The following CELF2 variants were observed in gnomAD, a reference collection of about 807,000 sequenced individuals.
CELF2 encodes the protein CUG triplet repeat RNA-binding protein 2.
In CELF2, 8 loss-of-function variants were observed where a neutral mutation model predicts 62.6. That is an observed-to-expected ratio of 0.13 (90% CI 0.07 to 0.23). CELF2 has a LOEUF of 0.23. Among genes scored for constraint, CELF2 ranks in the 10% least tolerant of loss-of-function variants. The probability of loss-of-function intolerance (pLI) is 1.00; values close to 1 mark genes in which losing one functional copy is unlikely to be tolerated. For missense variants in CELF2, 333 were observed against 671.0 expected, an observed-to-expected ratio of 0.50 and a Z score of 5.56; for synonymous variants, 258 against 250.0, an observed-to-expected ratio of 1.03 and a Z score of -0.30.
chr10:11,269,679 G>A lies in CELF2; in HGVS notation c.619-987G>A, dbSNP rs542463931. 8.9e-5 allele frequency among the ~76,000 whole-genome samples: 13 copies of A among 146,706 alleles called. No individual in the cohort carries two copies. The highest frequency in any genetic ancestry group is 6.9e-4 in the Admixed American group (10 of 14,554). On this transcript the variant is annotated intron_variant, in intron 6 of 12. Transcript: ENST00000633077. This position sits in a 1 kb window ranked among gnomAD's most constrained non-coding sequence, Gnocchi z 4.4. ...GGAGAAGAGGCTGGGGAAGGAGGGG[G>A]AGACTTCTGCTGAGTTACTTACCAA...
rs71378788 is a variant in CELF2 at position 11,285,826 on chromosome 10, GGTGTGTGTGTGTGTGT to G, written c.842-2555_842-2540del. Among the ~76,000 whole-genome samples, 1,452 of 128,780 alleles carry G rather than the reference GGTGTGTGTGTGTGTGT, an allele frequency of 0.011. 25 individuals carry two copies. The highest frequency in any genetic ancestry group is 0.035 in the African/African-American group (1,186 of 34,024). 84.5% of individuals were successfully genotyped at this position (128,780 alleles called of 152,430 possible). A position where few individuals can be genotyped will look rare whatever the true frequency, so the allele number is the denominator to read the frequency against. ...TTGCTCATCACCTACTATATATATTGGTGTGTGTGTGTGTGTGTGTGTGTGTGTGTGTGTGTGTGTG... is the reference window on the plus strand; with the variant it reads ...TTGCTCATCACCTACTATATATATTGGTGTGTGTGTGTGTGTGTGTGTGTG... On this transcript the variant is annotated intron_variant, in intron 8 of 12. Transcript: ENST00000633077. The surrounding 1 kb of genome is among the most constrained non-coding windows in gnomAD (Gnocchi z 4.3).
chr10:10,468,972 C>T, the CELF2 span, among the ~76,000 whole-genome samples: 237 of 151,814 alleles, frequency 1.6e-3, no homozygotes, highest in South Asian at 6.7e-3. Context: ...CCTCTTCAGA[C>T]GTTTTATAAA....
At chr10:11,043,486 C>T (rs1378157792) in intron 1 of CELF2, among the ~76,000 whole-genome samples, 1 of 152,200 alleles carries the variant, frequency 6.6e-6, no homozygotes, top group Non-Finnish European at 1.5e-5. Flanking sequence ...TTGCCCTGAA[C>T]ACCAGCATTG....
At chr10:11,137,753 C>G (rs555342985) in intron 1 of CELF2, among the ~76,000 whole-genome samples, 1 of 152,366 alleles carries the variant, frequency 6.6e-6, no homozygotes, top group South Asian at 2.1e-4. Context: ...GAGTAACTTA[C>G]TGTCCTTTTT....
At chr10:10,768,097 C>A in the CELF2 span, among the ~76,000 whole-genome samples, 2 of 146,080 alleles carry the variant, frequency 1.4e-5, no homozygotes, top group African/African-American at 2.6e-5. Flanking sequence ...ACCCGGGAGG[C>A]GGAGCTTGCC....
In CELF2 at chr10:11,157,791, G is replaced by C. The variant is rs1230644373; in HGVS notation, c.75-7695G>C. Reference sequence around the variant, plus strand: ...CTTTCACCACCCAGGCTTCTGAAGTGTGTAGAGAGGGTTGTGAATCCGCAC... The same window carrying C: ...CTTTCACCACCCAGGCTTCTGAAGTCTGTAGAGAGGGTTGTGAATCCGCAC... On this transcript the variant is annotated intron_variant, in intron 1 of 12. Coordinates refer to ENST00000633077, the MANE Select transcript of CELF2 (RefSeq NM_001326342.2). This position sits in a 1 kb window ranked among gnomAD's most constrained non-coding sequence, Gnocchi z 4.9. Among the ~76,000 whole-genome samples the C allele has an allele frequency of 6.6e-6, 1 of 152,246 alleles. No individual in the cohort carries two copies. The highest frequency in any genetic ancestry group is 1.5e-5 in the Non-Finnish European group (1 of 68,046).
the CELF2 span, among the ~76,000 whole-genome samples, chr10:10,652,614 G>T: frequency 6.6e-5 from 10 of 150,882 alleles, no homozygotes; most frequent in Non-Finnish European, 1.5e-5. Context: ...TTCATATCCA[G>T]CCAAACTAAG....
chr10:10,671,394 T>C, the CELF2 span, among the ~76,000 whole-genome samples: 1 of 152,172 alleles, frequency 6.6e-6, no homozygotes, highest in Non-Finnish European at 1.5e-5. Context: ...ACTATAAACA[T>C]TTGTGTGCAA....
chr10:11,076,545 A>G (rs2072001993), intron 1 of CELF2, among the ~76,000 whole-genome samples: 4 of 152,234 alleles, frequency 2.6e-5, no homozygotes. Context: ...AGAATGCTTT[A>G]CAGCTCAGAA....
the CELF2 span, among the ~76,000 whole-genome samples, chr10:10,763,085 C>G: frequency 6.6e-6 from 1 of 152,176 alleles, no homozygotes; most frequent in Admixed American, 6.5e-5. Context: ...CCTCTTCGAG[C>G]TTCAATTTGC....
intron 1 of CELF2, among the ~76,000 whole-genome samples, chr10:10,915,182 C>G (rs2064212452): frequency 6.7e-6 from 1 of 149,716 alleles, no homozygotes; most frequent in African/African-American, 2.5e-5. Flanking sequence ...CACTTGAAAT[C>G]AGATTATCTT....
At chr10:10,719,422 C>A in the CELF2 span, among the ~76,000 whole-genome samples, 1 of 151,832 alleles carries the variant, frequency 6.6e-6, no homozygotes, top group African/African-American at 2.4e-5. Flanking sequence ...CTAGGCCTGG[C>A]TAATTTTTTT....
At position 11,005,655 on chromosome 10, in the gene CELF2, A is replaced by G. The variant is rs2055122356; in HGVS notation, c.53+215A>G. 6.6e-6 allele frequency among the ~76,000 whole-genome samples: 1 copy of G among 152,124 alleles called. No individual in the cohort carries two copies. The highest frequency in any genetic ancestry group is 1.5e-5 in the Non-Finnish European group (1 of 68,020). The stretch of plus-strand genomic sequence containing the variant: ...AAGGCGGAGGACTGCCGTGAATTCT[A>G]TTTGTACTAGTTGCCTTTTGAAAGC... On this transcript the variant is annotated intron_variant, in intron 1 of 12. Transcript: ENST00000416382. The surrounding 1 kb of genome is among the most constrained non-coding windows in gnomAD (Gnocchi z 4.3).
chr10:10,861,852 A>G (rs919810523), intron 1 of CELF2, among the ~76,000 whole-genome samples: 6 of 152,208 alleles, frequency 3.9e-5, no homozygotes, highest in Non-Finnish European at 8.8e-5. Context: ...TCAAAGTTAG[A>G]CAAAGGCCCT....
the CELF2 span, among the ~76,000 whole-genome samples, chr10:10,608,760 A>G: frequency 6.6e-6 from 1 of 152,160 alleles, no homozygotes; most frequent in Non-Finnish European, 1.5e-5. Flanking sequence ...GTCTAAGGAA[A>G]GCTTCTACTC....
At chr10:10,517,317 C>T in the CELF2 span, among the ~76,000 whole-genome samples, 1 of 152,034 alleles carries the variant, frequency 6.6e-6, no homozygotes, top group Non-Finnish European at 1.5e-5. Flanking sequence ...CAAACCCAGG[C>T]AGTCTGATCC....
the CELF2 span, among the ~76,000 whole-genome samples, chr10:10,465,395 G>A: frequency 6.6e-6 from 1 of 152,082 alleles, no homozygotes; most frequent in East Asian, 1.9e-4. Context: ...AGGCTATTGG[G>A]ATCAAGAAAA....
At chr10:10,576,427 C>T in the CELF2 span, among the ~76,000 whole-genome samples, 31 of 152,068 alleles carry the variant, frequency 2.0e-4, no homozygotes, top group South Asian at 6.2e-3. Flanking sequence ...AGAAATCAAC[C>T]CCAGAGAAGG....
chr10:10,707,740 T>C, the CELF2 span, among the ~76,000 whole-genome samples: 4 of 152,274 alleles, frequency 2.6e-5, no homozygotes, highest in East Asian at 1.9e-4. Flanking sequence ...TTTTTGATAA[T>C]TTACTTCTTA....
Sources: gnomAD v4.1 joint callset for allele counts (sites outside exome capture counted in the v4.1 genomes callset) on GRCh38, gnomAD v4.1.1 for gene constraint, Gnocchi (gnomAD v3.1) non-coding constraint, MANE v1.5 for transcripts, NCBI Gene and HGNC (gene_info 2026-07-23, HGNC 2026-07-21) for gene names.